Variants in ZNF385D observed in about 807,000 individuals in gnomAD.
ZNF385D encodes the protein zinc finger protein 659.
Under a neutral mutation model 35.8 loss-of-function variants are expected in ZNF385D, and 15 were observed. The observed-to-expected ratio is 0.42, with a 90% confidence interval of 0.28 to 0.64. The LOEUF is 0.64. Ranked by LOEUF, ZNF385D falls within the 30% of genes least tolerant of loss-of-function variation. The probability of loss-of-function intolerance (pLI) is 0.23; values close to 1 mark genes in which losing one functional copy is unlikely to be tolerated. For synonymous variants in ZNF385D, 212 were observed against 186.8 expected (o/e 1.13, Z -1.10); for missense variants, 474 against 494.6 (o/e 0.96, Z 0.39).
chr3:22,090,322 G>A (rs190520676), intron 3 of ZNF385D, among the ~76,000 whole-genome samples: 42 of 152,240 alleles, frequency 2.8e-4, no homozygotes, highest in Admixed American at 2.5e-3. Flanking sequence ...GGAATCCAGG[G>A]CATGTGTGAC....
intron 3 of ZNF385D, among the ~76,000 whole-genome samples, chr3:21,958,376 A>G (rs1177902480): frequency 6.6e-6 from 1 of 152,142 alleles, no homozygotes; most frequent in Non-Finnish European, 1.5e-5. Flanking sequence ...TGTAAGTTTC[A>G]TACCTCAAAA....
intron 2 of ZNF385D, among the ~76,000 whole-genome samples, chr3:21,647,464 T>G (rs1308603822): frequency 6.6e-6 from 1 of 150,878 alleles, no homozygotes; most frequent in Non-Finnish European, 1.5e-5. Context: ...TTTCTCACTC[T>G]CCCTGTCTCC....
chr3:21,871,511 T>A (rs1393774015), intron 3 of ZNF385D, among the ~76,000 whole-genome samples: 1 of 152,184 alleles, frequency 6.6e-6, no homozygotes, highest in Non-Finnish European at 1.5e-5. Context: ...TTTTGAAAAG[T>A]GACTGGCATA....
intron 3 of ZNF385D, among the ~76,000 whole-genome samples, chr3:21,517,270 T>C (rs1707630610): frequency 6.6e-6 from 1 of 152,056 alleles, no homozygotes; most frequent in Admixed American, 6.6e-5. Flanking sequence ...ACCCTGAGAC[T>C]TGGCAAGTAA....
intron 4 of ZNF385D, among the ~76,000 whole-genome samples, chr3:21,494,039 C>G (rs1013623980): frequency 6.6e-6 from 1 of 151,876 alleles, no homozygotes; most frequent in African/African-American, 2.4e-5. Flanking sequence ...GTCTAGATAG[C>G]ATTACAAGAG....
chr3:21,751,252 C>A, upstream of ZNF385D: 1 of 1,135,966 alleles, frequency 8.8e-7, no homozygotes, highest in Non-Finnish European at 1.1e-6. Flanking sequence ...CCCCACCCCA[C>A]CCTGGGTTAG....
chr3:22,114,199 A>G (rs1194843202), intron 3 of ZNF385D, among the ~76,000 whole-genome samples: 1 of 152,084 alleles, frequency 6.6e-6, no homozygotes, highest in East Asian at 1.9e-4. Context: ...TATTGTTTGT[A>G]TGCTTACTTC....
chr3:21,614,236 A>G (rs953665253), intron 2 of ZNF385D, among the ~76,000 whole-genome samples: 1 of 152,098 alleles, frequency 6.6e-6, no homozygotes, highest in Non-Finnish European at 1.5e-5. Flanking sequence ...ATAGATGGCC[A>G]CCTTGTTTCT....
At chr3:21,603,639 T>TA (rs1221358593) in intron 2 of ZNF385D, among the ~76,000 whole-genome samples, 16 of 149,988 alleles carry the variant, frequency 1.1e-4, no homozygotes, top group Admixed American at 6.6e-4. Context: ...ACATTTGTTT[T>TA]AAAAATATAC....
chr3:21,606,211 GCCCTT>G lies in ZNF385D; in HGVS notation c.166-41532_166-41528del, dbSNP rs143274811. 8.0e-3 allele frequency among the ~76,000 whole-genome samples: 1,221 copies of G among 152,246 alleles called. 15 individuals are homozygous for G. The highest frequency in any genetic ancestry group is 0.027 in the African/African-American group (1,135 of 41,542). ...CAAATCATGCAGCCTGTCCCACACAGCCCTTGCTTTTCTGGGCTCCAGCAACAGTA... is the reference window on the plus strand; with the variant it reads ...CAAATCATGCAGCCTGTCCCACACAGGCTTTTCTGGGCTCCAGCAACAGTA... On this transcript the variant is annotated intron_variant, in intron 2 of 7. Transcript: ENST00000281523.
At chr3:22,118,115 AC>A (rs1292073073) in intron 3 of ZNF385D, among the ~76,000 whole-genome samples, 3 of 152,114 alleles carry the variant, frequency 2.0e-5, no homozygotes, top group African/African-American at 4.8e-5. Flanking sequence ...AGACACAGGT[AC>A]TTTAAATAAT....
intron 3 of ZNF385D, among the ~76,000 whole-genome samples, chr3:22,023,581 C>T (rs1697351854): frequency 6.6e-6 from 1 of 152,032 alleles, no homozygotes; most frequent in Non-Finnish European, 1.5e-5. Context: ...AAAGCTGCTT[C>T]TGGCTGAGAT....
chr3:21,590,365 A>C (rs2063938113), intron 2 of ZNF385D, among the ~76,000 whole-genome samples: 1 of 152,196 alleles, frequency 6.6e-6, no homozygotes, highest in Non-Finnish European at 1.5e-5. Context: ...ATTATTTTAA[A>C]AGTGAAAGAT....
chr3:21,860,491 T>C (rs79157329), intron 3 of ZNF385D, among the ~76,000 whole-genome samples: 2 of 50,472 alleles, frequency 4.0e-5, no homozygotes, highest in African/African-American at 1.3e-4. Flanking sequence ...TGATTATTAA[T>C]ACTTGGCCTC....
intron 3 of ZNF385D, among the ~76,000 whole-genome samples, chr3:22,110,653 G>C (rs1344975188): frequency 6.6e-6 from 1 of 151,880 alleles, no homozygotes; most frequent in African/African-American, 2.4e-5. Context: ...TGGGGGGAGT[G>C]GGGAGGGACA....
intron 3 of ZNF385D, among the ~76,000 whole-genome samples, chr3:22,077,204 TGTTTC>T (rs1333281155): frequency 1.3e-5 from 2 of 151,990 alleles, no homozygotes; most frequent in Non-Finnish European, 2.9e-5. Context: ...ACTATATGAA[TGTTTC>T]ATTTCTTTAC....
intron 3 of ZNF385D, among the ~76,000 whole-genome samples, chr3:21,790,820 T>A (rs1235960043): frequency 6.6e-6 from 1 of 152,212 alleles, no homozygotes; most frequent in Non-Finnish European, 1.5e-5. Context: ...ATTATTGAAG[T>A]TAATTTGTTT....
chr3:22,204,455 A>G (rs151277783), intron 2 of ZNF385D, among the ~76,000 whole-genome samples: 118 of 152,216 alleles, frequency 7.8e-4, no homozygotes, highest in African/African-American at 2.8e-3. Context: ...CCAGAAAGCA[A>G]TGAACATCCA....
At chr3:21,728,736 G>A (rs2068868449) in intron 1 of ZNF385D, among the ~76,000 whole-genome samples, 1 of 152,090 alleles carries the variant, frequency 6.6e-6, no homozygotes, top group Non-Finnish European at 1.5e-5. Flanking sequence ...GATTCAAGTC[G>A]TTCAAATCTT....
Sources: gnomAD v4.1 joint callset for allele counts (sites outside exome capture counted in the v4.1 genomes callset) on GRCh38, gnomAD v4.1.1 for gene constraint, MANE v1.5 for transcripts, NCBI Gene and HGNC (gene_info 2026-07-23, HGNC 2026-07-21) for gene names.